Variants in GRID2 observed in about 807,000 individuals in gnomAD.
GRID2 encodes glutamate receptor ionotropic, delta-2.
In GRID2, 33 loss-of-function variants were observed where a neutral mutation model predicts 114.8. That is an observed-to-expected ratio of 0.29 (90% CI 0.22 to 0.38). The LOEUF is 0.38. GRID2 is among the 10% of genes least tolerant of loss of function. The pLI, the probability that GRID2 is intolerant of heterozygous loss-of-function variation, is 1.00. For missense variants in GRID2, 1,184 were observed against 1,257.7 expected (o/e 0.94, Z 0.89); for synonymous variants, 505 against 449.9 (o/e 1.12, Z -1.55).
chr4:93,576,681 G>A (rs1736455708), intron 13 of GRID2, among the ~76,000 whole-genome samples: 1 of 152,038 alleles, frequency 6.6e-6, no homozygotes, highest in South Asian at 2.1e-4. Flanking sequence ...TGACGTTTTA[G>A]TGAGTCTGTG....
chr4:93,086,923 T>C (rs1730372918), intron 3 of GRID2, among the ~76,000 whole-genome samples: 1 of 152,194 alleles, frequency 6.6e-6, no homozygotes, highest in African/African-American at 2.4e-5. Flanking sequence ...GATATTCTTA[T>C]GACCTCTGAT....
chr4:92,938,501 G>C (rs1185365673), intron 2 of GRID2, among the ~76,000 whole-genome samples: 1 of 146,560 alleles, frequency 6.8e-6, no homozygotes, highest in African/African-American at 2.4e-5. Flanking sequence ...GATGGTTAAA[G>C]TACAGTATAG....
intron 2 of GRID2, among the ~76,000 whole-genome samples, chr4:92,927,045 T>A (rs1749861705): frequency 6.6e-6 from 1 of 151,882 alleles, no homozygotes; most frequent in Non-Finnish European, 1.5e-5. Flanking sequence ...GATACTTACC[T>A]GATTGATAAG....
At chr4:93,189,403 T>C (rs568826032) in intron 4 of GRID2, among the ~76,000 whole-genome samples, 16 of 152,192 alleles carry the variant, frequency 1.1e-4, no homozygotes, top group Admixed American at 9.8e-4. Flanking sequence ...CACATTTGTT[T>C]ATAAGTTCAC....
chr4:92,651,143 T>G (rs1232818877), intron 2 of GRID2, among the ~76,000 whole-genome samples: 1 of 152,058 alleles, frequency 6.6e-6, no homozygotes, highest in African/African-American at 2.4e-5. Flanking sequence ...GCAGAAACAT[T>G]GTATGCCGGA....
intron 14 of GRID2, among the ~76,000 whole-genome samples, chr4:93,685,409 G>C (rs925077198): frequency 1.6e-4 from 24 of 152,046 alleles, no homozygotes; most frequent in Admixed American, 3.3e-4. Context: ...TCCTGGAACT[G>C]AGCCAGGTTC....
intron 4 of GRID2, among the ~76,000 whole-genome samples, chr4:93,170,890 A>G (rs890802623): frequency 6.6e-6 from 1 of 151,074 alleles, no homozygotes; most frequent in East Asian, 2.0e-4. Context: ...TTCAAGAACT[A>G]TTCCATTTAG....
intron 1 of GRID2, among the ~76,000 whole-genome samples, chr4:92,372,240 T>G (rs1729150331): frequency 1.3e-5 from 2 of 152,206 alleles, no homozygotes; most frequent in African/African-American, 4.8e-5. Flanking sequence ...TAGCATGGTT[T>G]AGAGCATGGA....
chr4:92,986,675 T>C (rs1187393632), intron 2 of GRID2, among the ~76,000 whole-genome samples: 1 of 152,172 alleles, frequency 6.6e-6, no homozygotes, highest in Non-Finnish European at 1.5e-5. Context: ...GTGCACTGTA[T>C]TTGCAACTTT....
intron 2 of GRID2, among the ~76,000 whole-genome samples, chr4:92,934,545 T>C (rs1202181250): frequency 1.4e-5 from 2 of 145,884 alleles, no homozygotes; most frequent in African/African-American, 4.9e-5. Flanking sequence ...TACTTTAAAG[T>C]TCATATGGAA....
intron 2 of GRID2, among the ~76,000 whole-genome samples, chr4:92,974,162 G>A (rs897905785): frequency 6.6e-6 from 1 of 152,156 alleles, no homozygotes; most frequent in Non-Finnish European, 1.5e-5. Context: ...AGTTAGAATG[G>A]CGATCATTAA....
At position 92,932,853 on chromosome 4, in the gene GRID2, C is replaced by A. The variant is rs989096095; in HGVS notation, c.245-152142C>A. Among the ~76,000 whole-genome samples, 24 of 151,082 alleles carry A rather than the reference C, an allele frequency of 1.6e-4. No homozygotes were observed. In the East Asian group the frequency reaches 1.9e-3, roughly 12 times the overall value. On this transcript the variant is annotated intron_variant, in intron 2 of 15. Transcript: ENST00000282020. ...ATGGTATATTCTGTATGTATGTGAT[C>A]TGATTTATACGGAATTTGTAAAGTA...
intron 2 of GRID2, among the ~76,000 whole-genome samples, chr4:92,653,234 G>A (rs1050607649): frequency 6.7e-6 from 1 of 149,888 alleles, no homozygotes; most frequent in Non-Finnish European, 1.5e-5. Flanking sequence ...TCCTGATCTC[G>A]TGATCCAGCC....
intron 2 of GRID2, among the ~76,000 whole-genome samples, chr4:92,782,569 C>T (rs1369507183): frequency 6.6e-6 from 1 of 152,118 alleles, no homozygotes; most frequent in Non-Finnish European, 1.5e-5. Flanking sequence ...AAAAATTTTA[C>T]TCAAAGACTA....
chr4:93,608,296 C>CTTTTTTTTTTTTTTTATTTTTTTT (rs774334616), intron 13 of GRID2, among the ~76,000 whole-genome samples: 2 of 117,016 alleles, frequency 1.7e-5, no homozygotes, highest in Admixed American at 9.1e-5. Flanking sequence ...ATTTTTTTTT[C>CTTTTTTTTTTTTTTTATTTTTTTT]TTTTTTTTTT....
chr4:93,351,230 T>G (rs1334557962), intron 8 of GRID2, among the ~76,000 whole-genome samples: 1 of 152,068 alleles, frequency 6.6e-6, no homozygotes, highest in Non-Finnish European at 1.5e-5. Context: ...GTACAAGTAC[T>G]TCAAACCTTC....
At chr4:92,373,944 G>C (rs1250456480) in intron 1 of GRID2, among the ~76,000 whole-genome samples, 5 of 152,068 alleles carry the variant, frequency 3.3e-5, no homozygotes, top group Admixed American at 3.3e-4. Context: ...CAGGAAGTCT[G>C]GCTGTAGATT....
Position 93,002,019 on chromosome 4 carries a change from C to G in GRID2, c.245-82976C>G, listed in dbSNP as rs1351579541. Among the ~76,000 whole-genome samples, 12 of 149,904 alleles carry G rather than the reference C, an allele frequency of 8.0e-5. No homozygotes were observed. The Admixed American group carries it at 8.0e-4, about 10-fold the overall frequency. On this transcript the variant is annotated intron_variant, in intron 2 of 15. Transcript: ENST00000282020. The stretch of plus-strand genomic sequence containing the variant: ...TTTTTGTGCAGGTATCTAAGTAATT[C>G]TGTAAGCTAGTTTCTAAGAAATAAA...
At chr4:92,509,071 A>AAAAC (rs534348349) in intron 1 of GRID2, among the ~76,000 whole-genome samples, 1 of 151,964 alleles carries the variant, frequency 6.6e-6, no homozygotes, top group African/African-American at 2.4e-5. Flanking sequence ...TGTCTGTTAA[A>AAAAC]AAACAAACAA....
Sources: gnomAD v4.1 joint callset for allele counts (sites outside exome capture counted in the v4.1 genomes callset) on GRCh38, gnomAD v4.1.1 for gene constraint, MANE v1.5 for transcripts, NCBI Gene and HGNC (gene_info 2026-07-23, HGNC 2026-07-21) for gene names.